Variants in STPG4 observed in about 807,000 individuals in gnomAD.
STPG4 encodes the protein sperm-tail PG-rich repeat containing 4.
A neutral mutation model predicts 31.5 loss-of-function variants in STPG4; 41 were observed. That is an observed-to-expected ratio of 1.30 (90% CI 1.01 to 1.69). STPG4 has a LOEUF of 1.69. Among genes scored for constraint, STPG4 ranks in the 40% most tolerant of loss-of-function variants. STPG4 has a pLI of 0.00. For missense variants in STPG4, 375 were observed against 293.4 expected, an observed-to-expected ratio of 1.28 and a Z score of -2.03; for synonymous variants, 141 against 103.0, an observed-to-expected ratio of 1.37 and a Z score of -2.24.
At chr2:47,135,118 C>T (rs11683925) in intron 3 of STPG4, among the ~76,000 whole-genome samples, 40,018 of 152,086 alleles carry the variant, frequency 0.26, 5,389 homozygotes, top group Admixed American at 0.3. Flanking sequence ...ATATCTTTTG[C>T]AAATATATTC....
intron 6 of STPG4, among the ~76,000 whole-genome samples, chr2:47,089,925 A>T (rs1685535272): frequency 6.6e-6 from 1 of 152,226 alleles, no homozygotes; most frequent in African/African-American, 2.4e-5. Flanking sequence ...GAGAACAGCC[A>T]TTCTGGCTGG....
chr2:47,096,892 A>G (rs1312643735), intron 5 of STPG4, among the ~76,000 whole-genome samples: 2 of 152,194 alleles, frequency 1.3e-5, no homozygotes, highest in Non-Finnish European at 2.9e-5. Context: ...ACTGTCACAG[A>G]ATAGAATTCA....
chr2:47,128,431 T>C (rs1686405615), intron 5 of STPG4, among the ~76,000 whole-genome samples: 1 of 152,116 alleles, frequency 6.6e-6, no homozygotes, highest in Non-Finnish European at 1.5e-5. Flanking sequence ...AGAAATACCA[T>C]CTGGGAGCCA....
chr2:47,144,487 C>T (rs1686777987), intron 3 of STPG4, among the ~76,000 whole-genome samples: 1 of 152,046 alleles, frequency 6.6e-6, no homozygotes, highest in African/African-American at 2.4e-5. Context: ...AGTTTAAAAC[C>T]AGCCTGGGTA....
Position 47,152,937 on chromosome 2 carries a change from A to G in STPG4, c.141+20T>C. On this transcript the variant is annotated intron_variant, in intron 2 of 6. Transcript: ENST00000445927. ...GGAATAGGAATAATGTGAATAGGAA[A>G]GACTGAACAATGTACATACTGTTAA... 1 of 1,552,330 alleles carries G rather than the reference A, an allele frequency of 6.4e-7. No individual in the cohort carries two copies. Among genetic ancestry groups the G allele is most frequent in the Non-Finnish European group, 8.8e-7 (1 of 1,133,174 alleles).
chr2:47,109,648 T>C (rs1237002657), intron 5 of STPG4, among the ~76,000 whole-genome samples: 1 of 152,052 alleles, frequency 6.6e-6, no homozygotes, highest in East Asian at 1.9e-4. Flanking sequence ...GTAAAACATA[T>C]TTGAGGAGGT....
rs564984391 is a variant in STPG4, at chr2:47,109,129, T to C, written c.520-18755A>G. On this transcript the variant is annotated intron_variant, in intron 5 of 6. Coordinates refer to ENST00000445927, the MANE Select transcript of STPG4 (RefSeq NM_001163561.2). ...TCTGTTTCCAGTCAAGAAATTGTTA[T>C]AAGAAAGTACAGGAAATTCTTCACG... 4.6e-5 allele frequency among the ~76,000 whole-genome samples: 7 copies of C among 152,346 alleles called. No individual in the cohort carries two copies. In the South Asian group the frequency reaches 1.0e-3, roughly 23 times the overall value.
chr2:47,130,968 C>T (rs1372002202), intron 3 of STPG4, among the ~76,000 whole-genome samples: 1 of 152,036 alleles, frequency 6.6e-6, no homozygotes, highest in Non-Finnish European at 1.5e-5. Flanking sequence ...GTGTGTGCCA[C>T]TGCACCCAGC....
chr2:47,117,127 G>C (rs1215912203), intron 5 of STPG4, among the ~76,000 whole-genome samples: 1 of 152,160 alleles, frequency 6.6e-6, no homozygotes, highest in Non-Finnish European at 1.5e-5. Flanking sequence ...CCTAGGGTCG[G>C]GCACTTGCTG....
chr2:47,106,948 A>C (rs941869703), intron 5 of STPG4, among the ~76,000 whole-genome samples: 1 of 151,884 alleles, frequency 6.6e-6, no homozygotes, highest in Admixed American at 6.6e-5. Flanking sequence ...GGACCGACCC[A>C]CTGGCACTTC....
At chr2:47,143,895 C>A (rs537171564) in intron 3 of STPG4, among the ~76,000 whole-genome samples, 4 of 152,194 alleles carry the variant, frequency 2.6e-5, no homozygotes, top group Non-Finnish European at 5.9e-5. Flanking sequence ...GTGATCAGCA[C>A]TTTCTGGAAA....
At chr2:47,140,256 G>T (rs1398623636) in intron 3 of STPG4, among the ~76,000 whole-genome samples, 3 of 152,186 alleles carry the variant, frequency 2.0e-5, no homozygotes, top group Non-Finnish European at 2.9e-5. Context: ...GTTAGGTCCT[G>T]ATTGAATAGT....
intron 3 of STPG4, among the ~76,000 whole-genome samples, chr2:47,138,618 C>A (rs188437079): frequency 5.3e-5 from 8 of 152,226 alleles, no homozygotes; most frequent in Admixed American, 5.2e-4. Flanking sequence ...GCCATGATCT[C>A]AGCTCACTGC....
intron 1 of STPG4, among the ~76,000 whole-genome samples, chr2:47,154,315 T>C (rs911140720): frequency 6.6e-6 from 1 of 152,344 alleles, no homozygotes; most frequent in East Asian, 1.9e-4. Context: ...TCTTCTCTGT[T>C]GCACTTTTAT....
At chr2:47,108,108 T>A (rs578042755) in intron 5 of STPG4, among the ~76,000 whole-genome samples, 1 of 151,700 alleles carries the variant, frequency 6.6e-6, no homozygotes, top group Non-Finnish European at 1.5e-5. Flanking sequence ...ACTCTGTATC[T>A]AGTTAATCTA....
intron 5 of STPG4, among the ~76,000 whole-genome samples, chr2:47,120,164 C>T (rs1686237072): frequency 6.6e-6 from 1 of 152,126 alleles, no homozygotes; most frequent in African/African-American, 2.4e-5. Context: ...AACCCCTTCT[C>T]TACTAAAAAT....
At chr2:47,100,339 C>G (rs556299131) in intron 5 of STPG4, among the ~76,000 whole-genome samples, 4 of 150,322 alleles carry the variant, frequency 2.7e-5, no homozygotes, top group African/African-American at 7.4e-5. Flanking sequence ...ATGCACCAAT[C>G]CACACTCTGT....
intron 3 of STPG4, among the ~76,000 whole-genome samples, chr2:47,137,967 T>C (rs1686630758): frequency 6.6e-6 from 1 of 152,150 alleles, no homozygotes; most frequent in Admixed American, 6.5e-5. Context: ...TGTTTTCAAT[T>C]TCATTGACTT....
At chr2:47,089,360 C>G (rs989412016) in intron 6 of STPG4, among the ~76,000 whole-genome samples, 1 of 152,172 alleles carries the variant, frequency 6.6e-6, no homozygotes, top group African/African-American at 2.4e-5. Flanking sequence ...CCCAGCAGCT[C>G]TGGGGCAGAG....
Sources: gnomAD v4.1 joint callset for allele counts (sites outside exome capture counted in the v4.1 genomes callset) on GRCh38, gnomAD v4.1.1 for gene constraint, MANE v1.5 for transcripts, NCBI Gene and HGNC (gene_info 2026-07-23, HGNC 2026-07-21) for gene names.